Variants in PTPRK observed in about 807,000 individuals in gnomAD.
PTPRK encodes protein tyrosine phosphatase receptor type K, also known as receptor-type tyrosine-protein phosphatase kappa.
PTPRK carries 75 observed loss-of-function variants against 178.0 expected under a neutral mutation model. That is an observed-to-expected ratio of 0.42 (90% CI 0.35 to 0.51). The LOEUF is 0.51. Among genes scored for constraint, PTPRK ranks in the 20% least tolerant of loss-of-function variants. The pLI, the probability that PTPRK is intolerant of heterozygous loss-of-function variation, is 0.02. For synonymous variants in PTPRK, 637 were observed against 620.6 expected (o/e 1.03, Z -0.39); for missense variants, 1,441 against 1,797.8 (o/e 0.80, Z 3.59).
In PTPRK at chr6:127,969,888, A is replaced by G. The variant is rs1773723875; in HGVS notation, c.*339T>C. On this transcript the variant is annotated 3_prime_UTR_variant, in exon 30 of 30. Transcript: ENST00000368226. Reference sequence around the variant, plus strand: ...GAAAAATGCCACGTAGAAAGTATGAACTCATGCAACATGTGGTAGCTGCTC... The same window carrying G: ...GAAAAATGCCACGTAGAAAGTATGAGCTCATGCAACATGTGGTAGCTGCTC... 5.4e-6 allele frequency: 1 copy of G among 185,930 alleles called. No individual in the cohort carries two copies. The highest frequency in any genetic ancestry group is 1.9e-4 in the South Asian group (1 of 5,198). 11.5% of individuals were successfully genotyped at this position (185,930 alleles called of 1,614,324 possible). A position where few individuals can be genotyped will look rare whatever the true frequency, so the allele number is the denominator to read the frequency against.
At chr6:128,167,807 T>C (rs913286695) in intron 7 of PTPRK, among the ~76,000 whole-genome samples, 4 of 152,012 alleles carry the variant, frequency 2.6e-5, no homozygotes, top group African/African-American at 9.7e-5. Context: ...TGATTCACCT[T>C]CTTAATATTA....
intron 2 of PTPRK, among the ~76,000 whole-genome samples, chr6:128,368,068 G>A (rs1183311581): frequency 6.6e-6 from 1 of 152,070 alleles, no homozygotes; most frequent in Non-Finnish European, 1.5e-5. Flanking sequence ...TTCCAAAATT[G>A]CTGAGTTTGT....
chr6:127,981,392 T>C, intron 24 of PTPRK, 103 bp from the exon 25 acceptor site: 1 of 977,960 alleles, frequency 1.0e-6, no homozygotes, highest in Non-Finnish European at 1.5e-6. Context: ...AGTGAAGGAT[T>C]TGTGCGAGGC....
intron 6 of PTPRK, among the ~76,000 whole-genome samples, chr6:128,185,052 A>G (rs1187863234): frequency 6.6e-6 from 1 of 152,198 alleles, no homozygotes; most frequent in Admixed American, 6.5e-5. Flanking sequence ...CTAAGAGAGT[A>G]GAGTTGATCT....
chr6:128,269,765 T>A (rs563367737), intron 3 of PTPRK, among the ~76,000 whole-genome samples: 29 of 151,914 alleles, frequency 1.9e-4, no homozygotes, highest in African/African-American at 7.0e-4. Flanking sequence ...GATTTTAATA[T>A]GAAAAAAAGG....
At chr6:128,225,074 TC>T (rs1455353461) in intron 5 of PTPRK, among the ~76,000 whole-genome samples, 1 of 152,226 alleles carries the variant, frequency 6.6e-6, no homozygotes, top group Non-Finnish European at 1.5e-5. Context: ...CTTCAGAGTC[TC>T]TTTTCAAAGT....
chr6:128,074,621 T>G (rs1378293814), intron 11 of PTPRK, among the ~76,000 whole-genome samples: 1 of 152,072 alleles, frequency 6.6e-6, no homozygotes, highest in Admixed American at 6.6e-5. Flanking sequence ...GTAAGGAGAT[T>G]CAAAGTTCTA....
At chr6:128,367,951 G>A (rs1835749845) in intron 2 of PTPRK, among the ~76,000 whole-genome samples, 1 of 152,158 alleles carries the variant, frequency 6.6e-6, no homozygotes, top group Admixed American at 6.6e-5. Context: ...GCAATTAAAT[G>A]AAGCAAATCC....
chr6:128,036,469 C>A (rs1260219599), intron 13 of PTPRK, among the ~76,000 whole-genome samples: 1 of 152,078 alleles, frequency 6.6e-6, no homozygotes, highest in African/African-American at 2.4e-5. Flanking sequence ...AGAAGATAAC[C>A]TTCATCAATG....
At chr6:128,453,545 C>A (rs2128407779) in intron 1 of PTPRK, among the ~76,000 whole-genome samples, 1 of 152,190 alleles carries the variant, frequency 6.6e-6, no homozygotes, top group South Asian at 2.1e-4. Context: ...TGGAGTGTTT[C>A]TTCTACAATT....
chr6:128,197,337 C>G (rs1379932963), intron 6 of PTPRK, among the ~76,000 whole-genome samples: 2 of 151,844 alleles, frequency 1.3e-5, no homozygotes, highest in African/African-American at 4.8e-5. Context: ...CATTAGCTAT[C>G]TTTAAATGTC....
chr6:128,368,532 G>A (rs149214055), intron 2 of PTPRK, among the ~76,000 whole-genome samples: 56 of 152,102 alleles, frequency 3.7e-4, no homozygotes, highest in African/African-American at 1.3e-3. Context: ...TATCATTCCT[G>A]TCAACTCACT....
intron 2 of PTPRK, among the ~76,000 whole-genome samples, chr6:128,393,965 C>T (rs751866910): frequency 5.3e-5 from 8 of 152,154 alleles, no homozygotes; most frequent in Non-Finnish European, 1.2e-4. Flanking sequence ...AATAGAATAT[C>T]ATCACCAGCA....
chr6:128,357,585 C>T (rs1834128355), intron 2 of PTPRK, among the ~76,000 whole-genome samples: 1 of 152,216 alleles, frequency 6.6e-6, no homozygotes, highest in Non-Finnish European at 1.5e-5. Context: ...GACACTGTCA[C>T]TGTACACGCT....
chr6:128,215,499 G>C (rs898531844), intron 6 of PTPRK, among the ~76,000 whole-genome samples: 4 of 152,218 alleles, frequency 2.6e-5, no homozygotes, highest in Non-Finnish European at 5.9e-5. Context: ...AATAGAGATT[G>C]GCCTCCATAA....
At chr6:128,391,393 G>C (rs537259976) in intron 2 of PTPRK, among the ~76,000 whole-genome samples, 10 of 152,220 alleles carry the variant, frequency 6.6e-5, no homozygotes, top group Admixed American at 1.3e-4. Flanking sequence ...CTAAGTAGAT[G>C]ACAAAAAGAA....
chr6:128,372,279 G>A (rs1836404474), intron 2 of PTPRK, among the ~76,000 whole-genome samples: 1 of 152,144 alleles, frequency 6.6e-6, no homozygotes, highest in South Asian at 2.1e-4. Context: ...CATGGCAAAA[G>A]AATACCAGGA....
At chr6:128,069,120 GAA>G (rs535356800) in intron 11 of PTPRK, among the ~76,000 whole-genome samples, 2 of 152,162 alleles carry the variant, frequency 1.3e-5, no homozygotes, top group East Asian at 1.9e-4. Flanking sequence ...GACATCAAAA[GAA>G]AGAGTTAAAT....
chr6:127,985,918 T>C (rs1775922589), intron 21 of PTPRK, 43 bp from the exon 22 acceptor site: 3 of 1,579,524 alleles, frequency 1.9e-6, no homozygotes, highest in Non-Finnish European at 2.6e-6. Context: ...GCCATTTTAA[T>C]GGCCAAAATA....
Sources: gnomAD v4.1 joint callset for allele counts (sites outside exome capture counted in the v4.1 genomes callset) on GRCh38, gnomAD v4.1.1 for gene constraint, MANE v1.5 for transcripts, NCBI Gene and HGNC (gene_info 2026-07-23, HGNC 2026-07-21) for gene names.